PTPRN2: variants seen among roughly 807,000 people sequenced by gnomAD.
PTPRN2 encodes receptor-type tyrosine-protein phosphatase N2.
A neutral mutation model predicts 118.8 loss-of-function variants in PTPRN2; 74 were observed. That is an observed-to-expected ratio of 0.62 (90% CI 0.52 to 0.76). The LOEUF (loss-of-function observed/expected upper bound fraction) is 0.76, where lower values mean the gene tolerates loss of function less well. PTPRN2 is among the 30% of genes least tolerant of loss of function. The pLI is 0.00. For missense variants in PTPRN2, 1,481 were observed against 1,394.4 expected, an observed-to-expected ratio of 1.06 and a Z score of -0.99; for synonymous variants, 641 against 608.0, an observed-to-expected ratio of 1.05 and a Z score of -0.80.
intron 12 of PTPRN2, among the ~76,000 whole-genome samples, chr7:157,738,613 T>A (rs1247525247): frequency 6.6e-6 from 1 of 152,240 alleles, no homozygotes; most frequent in Non-Finnish European, 1.5e-5. Flanking sequence ...TCATTTTGAA[T>A]AAAATCACTC....
chr7:157,937,256 C>T (rs991211223), intron 11 of PTPRN2, among the ~76,000 whole-genome samples: 5 of 152,122 alleles, frequency 3.3e-5, no homozygotes, highest in Admixed American at 3.3e-4. Flanking sequence ...GAGTAAAGGT[C>T]CACACGGGGC....
At chr7:158,586,935 G>C (rs985269001) in intron 1 of PTPRN2, among the ~76,000 whole-genome samples, 6 of 152,094 alleles carry the variant, frequency 3.9e-5, no homozygotes, top group Non-Finnish European at 8.8e-5. Flanking sequence ...CAGGAGCCGG[G>C]GTAGAGGCAG....
intron 10 of PTPRN2, among the ~76,000 whole-genome samples, chr7:158,107,334 C>T (rs1815766543): frequency 6.6e-6 from 1 of 152,144 alleles, no homozygotes; most frequent in African/African-American, 2.4e-5. Context: ...CTCAAACCCT[C>T]CCCCCTCCTA....
chr7:157,743,398 G>A lies in PTPRN2; in HGVS notation c.1789-60461C>T, dbSNP rs574283763. 2.3e-4 allele frequency among the ~76,000 whole-genome samples: 35 copies of A among 152,358 alleles called. No individual in the cohort carries two copies. The East Asian group carries it at 5.0e-3, about 22-fold the overall frequency. The stretch of plus-strand genomic sequence containing the variant: ...GGGACCAGCCTGCAATCGGTGCGGC[G>A]GGCTATGCTTAGGGCCTAAGAATTA... On this transcript the variant is annotated intron_variant, in intron 12 of 22. Coordinates refer to ENST00000389418, the MANE Select transcript of PTPRN2 (RefSeq NM_002847.5).
intron 3 of PTPRN2, among the ~76,000 whole-genome samples, chr7:158,306,639 AAACAGCAAC>A (rs1364468498): frequency 5.3e-5 from 8 of 152,282 alleles, no homozygotes; most frequent in African/African-American, 1.7e-4. Context: ...AAACAACAAT[AAACAGCAAC>A]AACAACAACA....
At chr7:157,636,304 A>C (rs889914564) in intron 14 of PTPRN2, among the ~76,000 whole-genome samples, 1 of 152,236 alleles carries the variant, frequency 6.6e-6, no homozygotes, top group African/African-American at 2.4e-5. Context: ...ACAGTTAATA[A>C]GGGAAATATG....
At chr7:157,708,525 T>C (rs953180948) in intron 12 of PTPRN2, among the ~76,000 whole-genome samples, 1 of 151,214 alleles carries the variant, frequency 6.6e-6, no homozygotes, top group African/African-American at 2.4e-5. Context: ...TACTCCAGAG[T>C]TGGACGGAGG....
chr7:157,966,434 TTTA>T (rs1396826697), intron 11 of PTPRN2, among the ~76,000 whole-genome samples: 1 of 151,566 alleles, frequency 6.6e-6, no homozygotes, highest in East Asian at 2.0e-4. Flanking sequence ...CACCTTTATC[TTTA>T]TTATCACCAT....
At chr7:157,888,057 TG>T (rs11402285) in intron 12 of PTPRN2, among the ~76,000 whole-genome samples, 1 of 150,342 alleles carries the variant, frequency 6.7e-6, no homozygotes, top group Non-Finnish European at 1.5e-5. Flanking sequence ...CACGCTGTCT[TG>T]GGGGGTGTGA....
chr7:157,965,117 A>G (rs1314032427), intron 11 of PTPRN2, among the ~76,000 whole-genome samples: 1 of 152,218 alleles, frequency 6.6e-6, no homozygotes, highest in Non-Finnish European at 1.5e-5. Flanking sequence ...AAAACAGGAT[A>G]TGGAGGTAGA....
intron 12 of PTPRN2, among the ~76,000 whole-genome samples, chr7:157,850,331 G>GA (rs1809179165): frequency 6.8e-6 from 1 of 146,470 alleles, no homozygotes; most frequent in South Asian, 2.4e-4. Flanking sequence ...TCCGACGTGG[G>GA]TGCCTCAGGC....
intron 3 of PTPRN2, among the ~76,000 whole-genome samples, chr7:158,299,792 C>A (rs943757648): frequency 6.6e-6 from 1 of 152,164 alleles, no homozygotes; most frequent in Non-Finnish European, 1.5e-5. Flanking sequence ...GAGCAGTTGG[C>A]GGTTCCCAGG....
At chr7:158,220,333 G>A (rs1828265293) in intron 3 of PTPRN2, among the ~76,000 whole-genome samples, 1 of 152,024 alleles carries the variant, frequency 6.6e-6, no homozygotes, top group Non-Finnish European at 1.5e-5. Flanking sequence ...AGTCAGGCAA[G>A]GGAAAGAAAT....
rs1313023196 is a variant in PTPRN2 at position 158,071,331 on chromosome 7, ATGGTGGTGGAGGTGCTCG to A, written c.1723+9949_1723+9966del. On this transcript the variant is annotated intron_variant, in intron 11 of 22. Coordinates refer to ENST00000389418, the MANE Select transcript of PTPRN2 (RefSeq NM_002847.5). Reference sequence around the variant, plus strand: ...GGTGCCCATGGTAGTGGAGGTGCCCATGGTGGTGGAGGTGCTCGTGGTGGTGGAGGTGCTCATGGTGGT... The same window carrying A: ...GGTGCCCATGGTAGTGGAGGTGCCCATGGTGGTGGAGGTGCTCATGGTGGT... Among the ~76,000 whole-genome samples, 149 of 51,556 alleles carry A rather than the reference ATGGTGGTGGAGGTGCTCG, an allele frequency of 2.9e-3. 13 individuals carry two copies. Among genetic ancestry groups the A allele is most frequent in the Admixed American group, 0.022 (103 of 4,676 alleles). The allele number at this position is 51,556 out of a possible 152,430, so 33.8% of individuals were successfully genotyped here.
intron 2 of PTPRN2, among the ~76,000 whole-genome samples, chr7:158,336,426 T>C (rs1805544656): frequency 9.4e-6 from 1 of 106,408 alleles, no homozygotes; most frequent in Non-Finnish European, 1.9e-5. Context: ...TGGTGACACC[T>C]GCAGACGTCA....
At chr7:158,452,105 A>G (rs1008600096) in intron 2 of PTPRN2, among the ~76,000 whole-genome samples, 2 of 152,074 alleles carry the variant, frequency 1.3e-5, no homozygotes, top group Admixed American at 6.5e-5. Context: ...TAGACTTTCT[A>G]TTCTTTCCCT....
rs1803911947 is a variant in PTPRN2, at chr7:157,784,711, A to G, written c.1789-101774T>C. On this transcript the variant is annotated intron_variant, in intron 12 of 22. Transcript: ENST00000389418. The surrounding 1 kb of genome is among the most constrained non-coding windows in gnomAD (Gnocchi z 4.6). The stretch of plus-strand genomic sequence containing the variant: ...TATGAAACGGGCAGGGGCTGAGCTG[A>G]TCCCGTGGCAGTGCAAACCGAGGGC... Among the ~76,000 whole-genome samples, 2 of 151,686 alleles carry G rather than the reference A, an allele frequency of 1.3e-5. No individual in the cohort carries two copies. The highest frequency in any genetic ancestry group is 4.8e-5 in the African/African-American group (2 of 41,242).
At chr7:158,297,310 CT>C (rs1268815623) in intron 3 of PTPRN2, among the ~76,000 whole-genome samples, 2 of 152,226 alleles carry the variant, frequency 1.3e-5, no homozygotes, top group East Asian at 3.8e-4. Context: ...ATCTGGGAAC[CT>C]ATTCTGAAAT....
At chr7:157,558,498 G>A (rs1451031504) in intron 21 of PTPRN2, among the ~76,000 whole-genome samples, 2 of 152,246 alleles carry the variant, frequency 1.3e-5, no homozygotes, top group Non-Finnish European at 2.9e-5. Context: ...GTCTGCAGCT[G>A]AGTAACAATC....
Sources: allele counts gnomAD v4.1 joint callset (sites outside exome capture counted in the v4.1 genomes callset), GRCh38; gene constraint gnomAD v4.1.1; non-coding constraint Gnocchi (gnomAD v3.1); transcripts MANE v1.5; gene names NCBI Gene and HGNC (gene_info 2026-07-23, HGNC 2026-07-21).